MAPK8: variants seen among roughly 807,000 people sequenced by gnomAD.
MAPK8 encodes JUN N-terminal kinase.
In MAPK8, 13 loss-of-function variants were observed where a neutral mutation model predicts 52.9. That is an observed-to-expected ratio of 0.25 (90% CI 0.16 to 0.39). MAPK8 has a LOEUF of 0.39. MAPK8 is among the 10% of genes least tolerant of loss of function. The pLI, the probability that MAPK8 is intolerant of heterozygous loss-of-function variation, is 1.00. For missense variants in MAPK8, 300 were observed against 519.2 expected, an observed-to-expected ratio of 0.58 and a Z score of 4.10; for synonymous variants, 191 against 169.8, an observed-to-expected ratio of 1.12 and a Z score of -0.97.
intron 5 of MAPK8, among the ~76,000 whole-genome samples, chr10:48,416,425 C>T (rs1433381476): frequency 1.3e-5 from 2 of 152,140 alleles, no homozygotes; most frequent in Non-Finnish European, 2.9e-5. Flanking sequence ...GTGGTGAGCC[C>T]CAGCCTCTGC....
intron 1 of MAPK8, among the ~76,000 whole-genome samples, chr10:48,330,754 G>T (rs922795038): frequency 6.6e-6 from 1 of 152,106 alleles, no homozygotes; most frequent in African/African-American, 2.4e-5. Flanking sequence ...CCCGGACGTT[G>T]CCTAAGTTTC....
At position 48,419,569 on chromosome 10, in the gene MAPK8, A is replaced by G. The variant is rs1441347037; in HGVS notation, c.451-586A>G. On this transcript the variant is annotated intron_variant, in intron 5 of 11. Coordinates refer to ENST00000374189, the MANE Select transcript of MAPK8 (RefSeq NM_001323329.2). ...AAGGCAATGGTGTCCTACTTCTACA[A>G]ACAGACAGAAATTTTATAGCAAATT... Among the ~76,000 whole-genome samples, 3 of 152,346 alleles carry G rather than the reference A, an allele frequency of 2.0e-5. No homozygotes were observed. In the South Asian group the frequency reaches 6.2e-4, roughly 32 times the overall value.
At chr10:48,383,147 A>G (rs935101801) in intron 1 of MAPK8, among the ~76,000 whole-genome samples, 4 of 151,984 alleles carry the variant, frequency 2.6e-5, no homozygotes, top group African/African-American at 4.8e-5. Context: ...ACCAAAACCA[A>G]TAAGCCTTAA....
intron 1 of MAPK8, among the ~76,000 whole-genome samples, chr10:48,321,089 GTTTT>G (rs34616108): frequency 2.1e-5 from 2 of 94,020 alleles, no homozygotes; most frequent in Non-Finnish European, 4.0e-5. Flanking sequence ...CGTTGTAAGA[GTTTT>G]TTTTTTTTTT....
intron 1 of MAPK8, among the ~76,000 whole-genome samples, chr10:48,358,715 A>G (rs1185083165): frequency 2.0e-5 from 3 of 152,162 alleles, no homozygotes; most frequent in Admixed American, 1.3e-4. Context: ...TTACCCTCCT[A>G]TCTTTTCTTC....
chr10:48,384,744 G>C (rs1003942025), intron 1 of MAPK8, among the ~76,000 whole-genome samples: 3 of 152,220 alleles, frequency 2.0e-5, no homozygotes, highest in Non-Finnish European at 4.4e-5. Context: ...AATTTATCTT[G>C]GAATTGGAAG....
chr10:48,349,706 AAG>A (rs1846119979), intron 1 of MAPK8, among the ~76,000 whole-genome samples: 1 of 152,320 alleles, frequency 6.6e-6, no homozygotes, highest in Admixed American at 6.5e-5. Flanking sequence ...TCACAATTAA[AAG>A]AACTAGAGAA....
At chr10:48,402,373 A>G (rs1213388527) in intron 2 of MAPK8, among the ~76,000 whole-genome samples, 3 of 152,226 alleles carry the variant, frequency 2.0e-5, no homozygotes, top group East Asian at 1.9e-4. Flanking sequence ...CTTTCACACT[A>G]TAATGAAGCG....
intron 1 of MAPK8, among the ~76,000 whole-genome samples, chr10:48,399,450 G>A (rs2042048984): frequency 6.6e-6 from 1 of 152,166 alleles, no homozygotes; most frequent in African/African-American, 2.4e-5. Context: ...CCTCTGCCCT[G>A]CTCCTGGGGA....
At chr10:48,381,172 C>A (rs924465866) in intron 1 of MAPK8, among the ~76,000 whole-genome samples, 3 of 152,154 alleles carry the variant, frequency 2.0e-5, no homozygotes, top group Non-Finnish European at 2.9e-5. Flanking sequence ...TAAAATCTTA[C>A]AATAAACAGA....
intron 1 of MAPK8, among the ~76,000 whole-genome samples, chr10:48,350,207 C>A (rs1428679640): frequency 1.3e-5 from 2 of 152,186 alleles, no homozygotes; most frequent in Non-Finnish European, 2.9e-5. Flanking sequence ...GAGCTGGTAC[C>A]ATTCCTTCTG....
chr10:48,363,374 A>G (rs1388417615), intron 1 of MAPK8, among the ~76,000 whole-genome samples: 1 of 152,126 alleles, frequency 6.6e-6, no homozygotes, highest in Non-Finnish European at 1.5e-5. Flanking sequence ...TGGTAGCTGG[A>G]GCTGGCAAGA....
Position 48,435,051 on chromosome 10 carries a change from GGGA to G in MAPK8, c.*25_*27del. 8.4e-6 allele frequency: 12 copies of G among 1,430,620 alleles called. No individual in the cohort carries two copies. Among genetic ancestry groups the G allele is most frequent in the Non-Finnish European group, 1.1e-5 (12 of 1,051,682 alleles). 88.6% of individuals were successfully genotyped at this position (1,430,620 alleles called of 1,614,324 possible). On this transcript the variant is annotated 3_prime_UTR_variant, in exon 12 of 12. Coordinates refer to ENST00000374189, the MANE Select transcript of MAPK8 (RefSeq NM_001323329.2). ...ATGACTACTTGGGCCATCGGGGGGT[GGGA>G]GGGATGGGGAGTCGGTTAGTCATTG...
intron 3 of MAPK8, 78 bp downstream of exon 3, chr10:48,405,059 A>G: frequency 1.2e-6 from 1 of 839,360 alleles, no homozygotes; most frequent in East Asian, 2.7e-5. Flanking sequence ...CAAAGACTAA[A>G]TATTAGGGGC....
intron 1 of MAPK8, among the ~76,000 whole-genome samples, chr10:48,383,462 T>C (rs1480225720): frequency 6.6e-6 from 1 of 152,212 alleles, no homozygotes; most frequent in Non-Finnish European, 1.5e-5. Flanking sequence ...TTCAAATTCT[T>C]GTAAATGTTT....
At chr10:48,311,490 A>T (rs1368217787) in intron 1 of MAPK8, among the ~76,000 whole-genome samples, 5 of 152,238 alleles carry the variant, frequency 3.3e-5, no homozygotes, top group Non-Finnish European at 4.4e-5. Flanking sequence ...CTTTTCCCAC[A>T]GGAGAAAATT....
chr10:48,375,569 C>T (rs972232299), intron 1 of MAPK8, among the ~76,000 whole-genome samples: 2 of 152,122 alleles, frequency 1.3e-5, no homozygotes, highest in East Asian at 1.9e-4. Flanking sequence ...GTGCAAAAAT[C>T]ACAAACATTC....
At chr10:48,335,735 C>T (rs533238718) in intron 1 of MAPK8, among the ~76,000 whole-genome samples, 1 of 152,180 alleles carries the variant, frequency 6.6e-6, no homozygotes, top group Non-Finnish European at 1.5e-5. Flanking sequence ...CCCTGTACTT[C>T]AGTATATAGC....
intron 1 of MAPK8, among the ~76,000 whole-genome samples, chr10:48,324,382 C>G (rs775810369): frequency 6.6e-6 from 1 of 152,038 alleles, no homozygotes; most frequent in Non-Finnish European, 1.5e-5. Context: ...CTTATTCTGC[C>G]CCTCTCCTCC....
Sources: allele counts gnomAD v4.1 joint callset (sites outside exome capture counted in the v4.1 genomes callset), GRCh38; gene constraint gnomAD v4.1.1; transcripts MANE v1.5; gene names NCBI Gene and HGNC (gene_info 2026-07-23, HGNC 2026-07-21).